DTNBP1: variants seen among roughly 807,000 people sequenced by gnomAD.
DTNBP1 encodes the protein dysbindin.
In DTNBP1, 35 loss-of-function variants were observed where a neutral mutation model predicts 42.8. The observed-to-expected ratio is 0.82, with a 90% CI of 0.63 to 1.09. The LOEUF is 1.09. DTNBP1 is among the 50% of genes least tolerant of loss of function. DTNBP1 has a pLI of 0.00. For synonymous variants in DTNBP1, 171 were observed against 162.2 expected (o/e 1.05, Z -0.41); for missense variants, 457 against 424.2 (o/e 1.08, Z -0.68).
intron 7 of DTNBP1, among the ~76,000 whole-genome samples, chr6:15,552,797 C>T (rs1256532252): frequency 4.6e-5 from 7 of 152,076 alleles, no homozygotes; most frequent in Non-Finnish European, 2.9e-5. Context: ...GTTGATATTC[C>T]TTAGGATGAA....
chr6:15,537,546 T>G (rs1245863594), intron 7 of DTNBP1, among the ~76,000 whole-genome samples: 2 of 152,138 alleles, frequency 1.3e-5, no homozygotes, highest in Non-Finnish European at 2.9e-5. Flanking sequence ...GGGAGGGGCC[T>G]GGGGCAGAAT....
chr6:15,593,901 GT>G (rs1477034945), intron 6 of DTNBP1, among the ~76,000 whole-genome samples: 1 of 152,138 alleles, frequency 6.6e-6, no homozygotes, highest in African/African-American at 2.4e-5. Flanking sequence ...ATCTAGAGAT[GT>G]TTTGAATTCT....
chr6:15,579,966 C>G (rs1024996385), intron 7 of DTNBP1: 1 of 240,830 alleles, frequency 4.2e-6, no homozygotes, highest in African/African-American at 2.3e-5. Context: ...AATTATGTGT[C>G]CATTTAAAAT....
chr6:15,615,526 A>C, intron 5 of DTNBP1, 127 bp from the exon 6 acceptor site: 5 of 1,295,294 alleles, frequency 3.9e-6, no homozygotes, highest in South Asian at 2.6e-5. Context: ...GTTTTTTATT[A>C]AACTTTCTTG....
At chr6:15,613,825 C>T (rs1758567926) in intron 6 of DTNBP1, among the ~76,000 whole-genome samples, 1 of 148,116 alleles carries the variant, frequency 6.8e-6, no homozygotes, top group African/African-American at 2.6e-5. Flanking sequence ...CTTCCATTTA[C>T]AGCCTGCACA....
intron 7 of DTNBP1, among the ~76,000 whole-genome samples, chr6:15,569,080 T>C (rs963241490): frequency 6.6e-6 from 1 of 152,154 alleles, no homozygotes; most frequent in African/African-American, 2.4e-5. Flanking sequence ...GAAATATAGT[T>C]ATAATTAAAC....
chr6:15,568,387 C>T (rs1382946483), intron 7 of DTNBP1, among the ~76,000 whole-genome samples: 3 of 152,296 alleles, frequency 2.0e-5, no homozygotes, highest in East Asian at 1.9e-4. Flanking sequence ...TCTGAAGGCT[C>T]CCATGTCATG....
At chr6:15,608,196 T>C (rs944523049) in intron 6 of DTNBP1, among the ~76,000 whole-genome samples, 1 of 152,216 alleles carries the variant, frequency 6.6e-6, no homozygotes, top group African/African-American at 2.4e-5. Context: ...CTGAGCCATG[T>C]AGCATATTAT....
At chr6:15,647,576 ACT>A (rs1472266842) in intron 3 of DTNBP1, among the ~76,000 whole-genome samples, 1 of 151,410 alleles carries the variant, frequency 6.6e-6, no homozygotes, top group Non-Finnish European at 1.5e-5. Context: ...AAAAAAAAAG[ACT>A]CAAGTTACTA....
At chr6:15,637,900 G>A in intron 3 of DTNBP1, 96 bp from the exon 4 acceptor site, 2 of 1,327,122 alleles carry the variant, frequency 1.5e-6, no homozygotes, top group Non-Finnish European at 2.1e-6. Flanking sequence ...GTGCTAGAAA[G>A]GAAACACTCA....
chr6:15,527,765 G>A (rs930846350), intron 8 of DTNBP1, among the ~76,000 whole-genome samples: 1 of 152,144 alleles, frequency 6.6e-6, no homozygotes, highest in African/African-American at 2.4e-5. Flanking sequence ...AAAGGCACAT[G>A]AACAATTTTA....
chr6:15,548,438 G>GACAGACAC (rs1186457970), intron 7 of DTNBP1: 7 of 136,592 alleles, frequency 5.1e-5, no homozygotes, highest in African/African-American at 1.9e-4. Flanking sequence ...AACACACACA[G>GACAGACAC]ACACACACAC....
intron 4 of DTNBP1, 136 bp from the exon 5 acceptor site, chr6:15,627,611 C>T (rs1759426285): frequency 6.8e-6 from 9 of 1,314,180 alleles, no homozygotes; most frequent in Non-Finnish European, 9.2e-6. Flanking sequence ...CTAAAAGAGA[C>T]TGAAGTTGTT....
intron 5 of DTNBP1, among the ~76,000 whole-genome samples, chr6:15,617,851 G>A (rs746017859): frequency 2.0e-5 from 3 of 151,742 alleles, no homozygotes; most frequent in East Asian, 1.9e-4. Flanking sequence ...AGACACAAGC[G>A]ACAAAAGCAA....
At chr6:15,624,340 T>C (rs188075153) in intron 5 of DTNBP1, among the ~76,000 whole-genome samples, 12 of 152,340 alleles carry the variant, frequency 7.9e-5, no homozygotes, top group African/African-American at 2.4e-4. Flanking sequence ...TATTACTTAT[T>C]TTTAAAACGA....
chr6:15,612,796 T>C (rs1166366366), intron 6 of DTNBP1, among the ~76,000 whole-genome samples: 1 of 152,238 alleles, frequency 6.6e-6, no homozygotes, highest in Non-Finnish European at 1.5e-5. Context: ...CTAGGCCTTC[T>C]TACCATGTTC....
At chr6:15,580,038 C>T (rs1003230788) in intron 7 of DTNBP1, among the ~76,000 whole-genome samples, 5 of 152,018 alleles carry the variant, frequency 3.3e-5, no homozygotes, top group African/African-American at 1.2e-4. Flanking sequence ...AATAACCACG[C>T]AAAATTAAAA....
At chr6:15,605,732 A>G (rs1301162473) in intron 6 of DTNBP1, among the ~76,000 whole-genome samples, 1 of 152,178 alleles carries the variant, frequency 6.6e-6, no homozygotes, top group Non-Finnish European at 1.5e-5. Context: ...TTTCTTTACG[A>G]AAAATGTATT....
In DTNBP1 at chr6:15,524,580, C is replaced by T; in HGVS notation, c.757G>A (p.Asp253Asn). The T allele has an allele frequency of 6.2e-7, 1 of 1,612,698 alleles. No individual in the cohort carries two copies. Among genetic ancestry groups the T allele is most frequent in the South Asian group, 1.1e-5 (1 of 90,850 alleles). Residue 253 changes from aspartate (D) to asparagine (N), a missense_variant, in exon 9 of 10, where the codon GAC becomes AAC. Transcript: ENST00000344537. ...TCTCCTCCAGAGTTCAGGAAGACGT[C>T]CAGGGCCTCCTGGTCCGATATGTCC... ...LMDISDQEAL[D>N]VFLNSGGEEN...
Sources: gnomAD v4.1 joint callset for allele counts (sites outside exome capture counted in the v4.1 genomes callset) on GRCh38, gnomAD v4.1.1 for gene constraint, MANE v1.5 for transcripts, NCBI Gene and HGNC (gene_info 2026-07-23, HGNC 2026-07-21) for gene names.